Variants in PBX1 observed in about 807,000 individuals in gnomAD.
PBX1 encodes the protein pre-B-cell leukemia transcription factor 1.
In PBX1, 6 loss-of-function variants were observed where a neutral mutation model predicts 53.4. The ratio of observed to expected loss-of-function variants is 0.11; its 90% confidence interval spans 0.06 to 0.22. PBX1 has a LOEUF of 0.22. Ranked by LOEUF, PBX1 falls within the 10% of genes least tolerant of loss-of-function variation. The probability of loss-of-function intolerance (pLI) is 1.00; values close to 1 mark genes in which losing one functional copy is unlikely to be tolerated. For synonymous variants in PBX1, 204 were observed against 212.3 expected (o/e 0.96, Z 0.34); for missense variants, 251 against 551.4 (o/e 0.46, Z 5.46).
chr1:164,855,818 T>C (rs916639383), downstream of PBX1, among the ~76,000 whole-genome samples: 9 of 152,192 alleles, frequency 5.9e-5, no homozygotes, highest in African/African-American at 1.9e-4. Flanking sequence ...AGGGAAACAA[T>C]CCGATCTATG....
At position 164,565,953 on chromosome 1, in the gene PBX1, G is replaced by A. The variant is rs79399777; in HGVS notation, c.265+2642G>A. On this transcript the variant is annotated intron_variant, in intron 2 of 8. Transcript: ENST00000420696. ...AATAATAGAGGTTACTTGATTTAGG[G>A]TGGGCTTTGTTTGTTTGTATTCTAA... Among the ~76,000 whole-genome samples the A allele has an allele frequency of 6.8e-3, 1,038 of 152,090 alleles. 12 individuals are homozygous for A. Among genetic ancestry groups the A allele is most frequent in the African/African-American group, 0.024 (981 of 41,504 alleles).
intron 2 of PBX1, among the ~76,000 whole-genome samples, chr1:164,738,119 G>A (rs1407275427): frequency 6.6e-6 from 1 of 151,908 alleles, no homozygotes; most frequent in African/African-American, 2.4e-5. Context: ...TTTTATTGTG[G>A]GAATAGACCA....
At chr1:164,681,296 C>T (rs969964081) in intron 2 of PBX1, among the ~76,000 whole-genome samples, 6 of 152,038 alleles carry the variant, frequency 3.9e-5, no homozygotes, top group African/African-American at 1.2e-4. Flanking sequence ...TTCCTTTGTG[C>T]TCAGGTAATA....
At chr1:164,865,189 G>C (rs187140525) in intron 2 of PBX1, among the ~76,000 whole-genome samples, 51 of 152,310 alleles carry the variant, frequency 3.3e-4, no homozygotes, top group African/African-American at 1.2e-3. Context: ...TGAGATGAGG[G>C]GACTAAGGAG....
intron 2 of PBX1, among the ~76,000 whole-genome samples, chr1:164,568,099 G>T (rs1346002338): frequency 1.3e-5 from 2 of 152,100 alleles, no homozygotes; most frequent in African/African-American, 4.8e-5. Flanking sequence ...TGTTGTGGTT[G>T]TTGGCAAAAT....
intron 2 of PBX1, among the ~76,000 whole-genome samples, chr1:164,672,851 C>T (rs566258882): frequency 6.6e-6 from 1 of 152,298 alleles, no homozygotes; most frequent in East Asian, 1.9e-4. Context: ...ATAATTTGTT[C>T]TTTCAAAATT....
downstream of PBX1, chr1:164,851,958 G>A (rs995588662): frequency 4.6e-5 from 7 of 153,586 alleles, no homozygotes; most frequent in African/African-American, 1.7e-4. Flanking sequence ...ACATACTATG[G>A]TGGTGGGGCA....
chr1:164,783,299 A>G (rs569559946), intron 2 of PBX1, among the ~76,000 whole-genome samples: 27 of 143,234 alleles, frequency 1.9e-4, no homozygotes, highest in African/African-American at 6.8e-4. Context: ...AATGTATTCT[A>G]TTGGCTGAGG....
chr1:164,876,005 T>C (rs867578416), intron 2 of PBX1, among the ~76,000 whole-genome samples: 1,299 of 56,752 alleles, frequency 0.023, 134 homozygotes, highest in African/African-American at 0.038. Context: ...TATATATATA[T>C]ACACACATAC....
intron 2 of PBX1, among the ~76,000 whole-genome samples, chr1:164,714,002 T>G (rs1158338083): frequency 6.6e-6 from 1 of 152,194 alleles, no homozygotes; most frequent in African/African-American, 2.4e-5. Context: ...GACTGGCAAT[T>G]TAGGAGACAT....
intron 2 of PBX1, among the ~76,000 whole-genome samples, chr1:164,742,900 T>A (rs1571322542): frequency 6.6e-6 from 1 of 152,312 alleles, no homozygotes; most frequent in East Asian, 1.9e-4. Flanking sequence ...TGTAGAGCGG[T>A]TGACAGAGAT....
chr1:164,785,768 G>T (rs1668144754), intron 2 of PBX1, among the ~76,000 whole-genome samples: 2 of 152,202 alleles, frequency 1.3e-5, no homozygotes, highest in Non-Finnish European at 2.9e-5. Flanking sequence ...GGGCCTGTTT[G>T]TGGAGACAAC....
chr1:164,600,974 T>C (rs199790126), intron 2 of PBX1, among the ~76,000 whole-genome samples: 1 of 152,080 alleles, frequency 6.6e-6, no homozygotes, highest in Non-Finnish European at 1.5e-5. Flanking sequence ...CAGTGGCTCA[T>C]GCCTGTAATC....
At chr1:164,654,905 T>A (rs1375606992) in intron 2 of PBX1, among the ~76,000 whole-genome samples, 3 of 152,118 alleles carry the variant, frequency 2.0e-5, no homozygotes, top group Non-Finnish European at 4.4e-5. Context: ...GGGAGTAATG[T>A]GTGATGTGAT....
intron 2 of PBX1, among the ~76,000 whole-genome samples, chr1:164,609,288 A>G (rs1656751570): frequency 1.3e-5 from 2 of 152,108 alleles, no homozygotes; most frequent in Non-Finnish European, 2.9e-5. Flanking sequence ...CTCTGGGGAC[A>G]CAAAATTGAG....
Position 164,566,351 on chromosome 1 carries a change from TAAG to T in PBX1, c.265+3047_265+3049del, listed in dbSNP as rs948161582. On this transcript the variant is annotated intron_variant, in intron 2 of 8. Coordinates refer to ENST00000420696, the MANE Select transcript of PBX1 (RefSeq NM_002585.4). Reference sequence around the variant, plus strand: ...TTTTCGCTTTTAAAAAAATAAATGCTAAGAAGAAGTGCCAGCAAAATGCTCGGG... The same window carrying T: ...TTTTCGCTTTTAAAAAAATAAATGCTAAGAAGTGCCAGCAAAATGCTCGGG... Among the ~76,000 whole-genome samples the T allele has an allele frequency of 1.7e-4, 26 of 152,168 alleles. 1 individual carries two copies. Among genetic ancestry groups the T allele is most frequent in the Non-Finnish European group, 2.9e-4 (20 of 68,014 alleles).
chr1:164,736,645 C>A (rs979942157), intron 2 of PBX1, among the ~76,000 whole-genome samples: 2 of 151,944 alleles, frequency 1.3e-5, no homozygotes, highest in Non-Finnish European at 2.9e-5. Flanking sequence ...GGAAATGCAC[C>A]AAAAGTCAGA....
At chr1:164,722,309 G>C (rs1664456412) in intron 2 of PBX1, among the ~76,000 whole-genome samples, 1 of 152,076 alleles carries the variant, frequency 6.6e-6, no homozygotes, top group South Asian at 2.1e-4. Flanking sequence ...TTTCTTTATA[G>C]ACTTTCAGGT....
At chr1:164,626,175 T>A in intron 2 of PBX1, 1 of 874,314 alleles carries the variant, frequency 1.1e-6, no homozygotes, top group Non-Finnish European at 1.4e-6. Flanking sequence ...CTTTTATCTT[T>A]AAGGATTCAT....
Sources: allele counts gnomAD v4.1 joint callset (sites outside exome capture counted in the v4.1 genomes callset), GRCh38; gene constraint gnomAD v4.1.1; transcripts MANE v1.5; gene names NCBI Gene and HGNC (gene_info 2026-07-23, HGNC 2026-07-21).